Variants in GPR39 observed in about 807,000 individuals in gnomAD.
GPR39 encodes the protein zinc sensing receptor.
A neutral mutation model predicts 18.4 loss-of-function variants in GPR39; 23 were observed. That is an observed-to-expected ratio of 1.25 (90% CI 0.90 to 1.77). The LOEUF (loss-of-function observed/expected upper bound fraction) is 1.77, where lower values mean the gene tolerates loss of function less well. GPR39 is among the 40% of genes most tolerant of loss of function. The pLI is 0.00. For missense variants in GPR39, 647 were observed against 602.4 expected (o/e 1.07, Z -0.78); for synonymous variants, 280 against 257.9 (o/e 1.09, Z -0.82).
chr2:132,542,032 A>G (rs1679869937), intron 1 of GPR39, among the ~76,000 whole-genome samples: 1 of 152,128 alleles, frequency 6.6e-6, no homozygotes, highest in East Asian at 1.9e-4. Flanking sequence ...CTATAAGGGC[A>G]CTAATCCCAT....
At chr2:132,455,841 A>C (rs1472363914) in intron 1 of GPR39, among the ~76,000 whole-genome samples, 1 of 152,186 alleles carries the variant, frequency 6.6e-6, no homozygotes, top group Admixed American at 6.5e-5. Context: ...CTGGGGTCTG[A>C]GACAGTTTGT....
At chr2:132,602,399 A>C (rs1169908536) in intron 1 of GPR39, among the ~76,000 whole-genome samples, 1 of 152,182 alleles carries the variant, frequency 6.6e-6, no homozygotes, top group Non-Finnish European at 1.5e-5. Context: ...AAATTGGATA[A>C]AGATTTAAAT....
intron 1 of GPR39, among the ~76,000 whole-genome samples, chr2:132,458,742 G>A (rs1356587779): frequency 1.3e-5 from 2 of 152,004 alleles, no homozygotes; most frequent in Non-Finnish European, 2.9e-5. Context: ...GGGAAGAGAA[G>A]AGAACCACAT....
intron 1 of GPR39, among the ~76,000 whole-genome samples, chr2:132,629,089 T>A (rs967530552): frequency 6.6e-6 from 1 of 152,188 alleles, no homozygotes; most frequent in Admixed American, 6.5e-5. Context: ...GAATCTGTCT[T>A]GGGCAGAGAC....
chr2:132,436,679 A>G (rs1680324356), intron 1 of GPR39, among the ~76,000 whole-genome samples: 1 of 152,138 alleles, frequency 6.6e-6, no homozygotes, highest in Non-Finnish European at 1.5e-5. Flanking sequence ...AGCTTAGTAA[A>G]GAGCCCCCCG....
intron 1 of GPR39, among the ~76,000 whole-genome samples, chr2:132,493,527 T>TATATATATATATAC (rs1553451805): frequency 7.7e-6 from 1 of 129,990 alleles, no homozygotes; most frequent in Non-Finnish European, 1.6e-5. Flanking sequence ...TATATATATA[T>TATATATATATATAC]ACACACACCA....
intron 1 of GPR39, among the ~76,000 whole-genome samples, chr2:132,527,179 G>A (rs1679529281): frequency 6.6e-6 from 1 of 152,278 alleles, no homozygotes; most frequent in South Asian, 2.1e-4. Flanking sequence ...TTAGGAGTTA[G>A]AACGTGCTAT....
At chr2:132,493,038 T>C (rs2104797687) in intron 1 of GPR39, among the ~76,000 whole-genome samples, 1 of 123,302 alleles carries the variant, frequency 8.1e-6, no homozygotes, top group East Asian at 2.4e-4. Context: ...ATACCATATA[T>C]ATACCATATA....
At chr2:132,452,265 C>T (rs1027116371) in intron 1 of GPR39, among the ~76,000 whole-genome samples, 1 of 152,106 alleles carries the variant, frequency 6.6e-6, no homozygotes, top group Non-Finnish European at 1.5e-5. Flanking sequence ...TTCCAGGATA[C>T]TCTGTGACTT....
intron 1 of GPR39, among the ~76,000 whole-genome samples, chr2:132,568,007 T>C (rs1680381243): frequency 6.6e-6 from 1 of 152,090 alleles, no homozygotes; most frequent in South Asian, 2.1e-4. Context: ...CTTTTGTAAA[T>C]TGCCCAGTCT....
chr2:132,459,451 C>A (rs1252536883), intron 1 of GPR39, among the ~76,000 whole-genome samples: 1 of 152,210 alleles, frequency 6.6e-6, no homozygotes, highest in Non-Finnish European at 1.5e-5. Context: ...AAAGGCTTTA[C>A]CCTGACCACC....
intron 1 of GPR39, among the ~76,000 whole-genome samples, chr2:132,616,855 G>A (rs1214929339): frequency 6.6e-6 from 1 of 152,220 alleles, no homozygotes; most frequent in African/African-American, 2.4e-5. Context: ...ATATAAAGCA[G>A]AAATTGAAAC....
intron 1 of GPR39, among the ~76,000 whole-genome samples, chr2:132,628,342 G>A (rs1034411735): frequency 6.6e-6 from 1 of 152,154 alleles, no homozygotes; most frequent in Non-Finnish European, 1.5e-5. Flanking sequence ...TCCTCTCCCA[G>A]ACTCAGCTCA....
chr2:132,627,017 C>T (rs58556102), intron 1 of GPR39, among the ~76,000 whole-genome samples: 2,849 of 152,296 alleles, frequency 0.019, 84 homozygotes, highest in African/African-American at 0.065. Flanking sequence ...GGGAAGCCGC[C>T]CCAGTGTTGG....
intron 1 of GPR39, among the ~76,000 whole-genome samples, chr2:132,578,284 A>G (rs1231978043): frequency 6.6e-6 from 1 of 152,126 alleles, no homozygotes; most frequent in Non-Finnish European, 1.5e-5. Flanking sequence ...AATACTATTT[A>G]CTGATACTTT....
At chr2:132,547,733 AT>A (rs1171457396) in intron 1 of GPR39, among the ~76,000 whole-genome samples, 1 of 152,198 alleles carries the variant, frequency 6.6e-6, no homozygotes, top group Non-Finnish European at 1.5e-5. Flanking sequence ...TGGGTAACTT[AT>A]TTGCTGATCC....
rs182035055 is a variant in GPR39 at position 132,468,486 on chromosome 2, A to T, written c.856+50588A>T. 2.0e-5 allele frequency among the ~76,000 whole-genome samples: 3 copies of T among 152,282 alleles called. No homozygotes were observed. In the East Asian group the frequency reaches 5.8e-4, roughly 29 times the overall value. On this transcript the variant is annotated intron_variant, in intron 1 of 1. Transcript: ENST00000329321. Reference sequence around the variant, plus strand: ...GGGTACATTGTGGACAGGCACACAGAGGTGACCAGTGCAGAAATGGTCCAG... The same window carrying T: ...GGGTACATTGTGGACAGGCACACAGTGGTGACCAGTGCAGAAATGGTCCAG...
intron 1 of GPR39, among the ~76,000 whole-genome samples, chr2:132,590,008 A>T (rs960248210): frequency 6.6e-6 from 1 of 152,224 alleles, no homozygotes; most frequent in South Asian, 2.1e-4. Context: ...TTTGAACAAA[A>T]ACATGCCTTT....
At chr2:132,630,715 T>A (rs1206796939) in intron 1 of GPR39, among the ~76,000 whole-genome samples, 3 of 151,932 alleles carry the variant, frequency 2.0e-5, no homozygotes, top group Non-Finnish European at 4.4e-5. Context: ...GCAGTGGGAA[T>A]GGTGAGAAAG....
Sources: gnomAD v4.1 joint callset for allele counts (sites outside exome capture counted in the v4.1 genomes callset) on GRCh38, gnomAD v4.1.1 for gene constraint, MANE v1.5 for transcripts, NCBI Gene and HGNC (gene_info 2026-07-23, HGNC 2026-07-21) for gene names.